The following PPM1A variants were observed in gnomAD, a reference collection of about 807,000 sequenced individuals.
PPM1A encodes protein phosphatase 1A.
A neutral mutation model predicts 35.0 loss-of-function variants in PPM1A; 7 were observed. The observed-to-expected ratio is 0.20, with a 90% CI of 0.11 to 0.38. PPM1A has a LOEUF of 0.38. Among genes scored for constraint, PPM1A ranks in the 10% least tolerant of loss-of-function variants. PPM1A has a pLI of 1.00. For synonymous variants in PPM1A, 153 were observed against 167.3 expected, an observed-to-expected ratio of 0.91 and a Z score of 0.66; for missense variants, 239 against 467.8, an observed-to-expected ratio of 0.51 and a Z score of 4.51.
intron 1 of PPM1A, among the ~76,000 whole-genome samples, chr14:60,267,473 C>T (rs28757572): frequency 0.48 from 73,159 of 151,794 alleles, 21,807 homozygotes; most frequent in African/African-American, 0.85. Context: ...ATTTTACTGA[C>T]TTTTTGGCAT....
chr14:60,268,196 C>T (rs1019380246), intron 1 of PPM1A: 8 of 664,216 alleles, frequency 1.2e-5, no homozygotes, highest in Admixed American at 1.3e-4. Context: ...TCTCCTTTAA[C>T]CTGGAGTGGT....
rs1888041433 is a variant in PPM1A, at chr14:60,296,042, G to A, written c.*3560G>A. 6.6e-6 allele frequency: 1 copy of A among 151,634 alleles called. No homozygotes were observed. Among genetic ancestry groups the A allele is most frequent in the Admixed American group, 6.6e-5 (1 of 15,194 alleles). 9.4% of individuals were successfully genotyped at this position (151,634 alleles called of 1,614,324 possible). ...CTGACAGCAGTAACTCAGAGGAATA[G>A]GTAGTAGATTTCTGAAAATTATCCA... On this transcript the variant is annotated 3_prime_UTR_variant, in exon 6 of 6. Coordinates refer to ENST00000395076, the MANE Select transcript of PPM1A (RefSeq NM_021003.5). The surrounding 1 kb of genome is among the most constrained non-coding windows in gnomAD (Gnocchi z 4.4).
At chr14:60,255,235 G>T (rs1487598966) in intron 1 of PPM1A, among the ~76,000 whole-genome samples, 4 of 144,030 alleles carry the variant, frequency 2.8e-5, no homozygotes, top group Non-Finnish European at 6.0e-5. Flanking sequence ...GCAGTGGCGC[G>T]ATCTCGGCTC....
chr14:60,253,849 GC>G (rs923185373), intron 1 of PPM1A, among the ~76,000 whole-genome samples: 3 of 152,168 alleles, frequency 2.0e-5, no homozygotes, highest in African/African-American at 7.2e-5. Context: ...ACATTGAAGG[GC>G]CCCGTGGTGG....
At position 60,297,498 on chromosome 14, in the gene PPM1A, C is replaced by G. The variant is rs528500775; in HGVS notation, c.*5016C>G. On this transcript the variant is annotated 3_prime_UTR_variant, in exon 6 of 6. Transcript: ENST00000395076. ...TGCAATGTTTCTTCACTAGAAAACC[C>G]AACCCTTCATTTCTTTTCATTGCTC... 12 of 151,788 alleles carry G rather than the reference C, an allele frequency of 7.9e-5. No homozygotes were observed. In the South Asian group the frequency reaches 2.1e-3, roughly 26 times the overall value. 9.4% of individuals were successfully genotyped at this position (151,788 alleles called of 1,614,324 possible).
Position 60,292,588 on chromosome 14 carries a change from G to C in PPM1A, c.*106G>C, listed in dbSNP as rs930672751. ...TCCTCAACTTTAAGGAAGGGGATAT[G>C]ACATGGGTGAGAATGATTACATCAG... On this transcript the variant is annotated 3_prime_UTR_variant, in exon 6 of 6. Transcript: ENST00000395076. This position sits in a 1 kb window ranked among gnomAD's most constrained non-coding sequence, Gnocchi z 4.2. The C allele has an allele frequency of 4.3e-6, 4 of 939,358 alleles. No individual in the cohort carries two copies. The African/African-American group carries it at 6.6e-5, about 15-fold the overall frequency. 58.2% of individuals were successfully genotyped at this position (939,358 alleles called of 1,614,324 possible). A position where few individuals can be genotyped will look rare whatever the true frequency, so the allele number is the denominator to read the frequency against.
At position 60,283,488 on chromosome 14, in the gene PPM1A, A is replaced by G. The variant is rs749728075; in HGVS notation, c.785A>G (p.Asp262Gly). The G allele has an allele frequency of 1.9e-6, 3 of 1,613,836 alleles. No homozygotes were observed. Among genetic ancestry groups the G allele is most frequent in the Non-Finnish European group, 2.5e-6 (3 of 1,180,016 alleles). ...DFVRSRLEVT[D>G]DLEKVCNEVV... Reference sequence around the variant, plus strand: ...GTAAGATCCAGACTTGAAGTCACTGATGACCTTGAGAAAGTTTGCAATGAA... The same window carrying G: ...GTAAGATCCAGACTTGAAGTCACTGGTGACCTTGAGAAAGTTTGCAATGAA... The change falls in exon 2 of 6, where the codon GAT (aspartate) becomes GGT (glycine). Residue 262 changes from aspartate (D) to glycine (G), a missense_variant. Physicochemically the swap from Asp to Gly is moderately conservative, Grantham distance 94 (BLOSUM62 -1). Coordinates refer to ENST00000395076, the MANE Select transcript of PPM1A (RefSeq NM_021003.5). The surrounding 1 kb of genome is among the most constrained non-coding windows in gnomAD (Gnocchi z 6.3).
chr14:60,245,918 G>T (rs1427132060), upstream of PPM1A: 4 of 1,583,086 alleles, frequency 2.5e-6, no homozygotes, highest in Non-Finnish European at 3.4e-6. The surrounding 1 kb of genome is among the most constrained non-coding windows in gnomAD (Gnocchi z 4.2). Flanking sequence ...AGAGAGAAAA[G>T]AAGAATGGGG....
intron 1 of PPM1A, among the ~76,000 whole-genome samples, chr14:60,280,198 G>T (rs879404730): frequency 8.5e-5 from 13 of 152,058 alleles, no homozygotes; most frequent in Non-Finnish European, 1.9e-4. Flanking sequence ...TAGAGACGGG[G>T]TTTCACCATA....
At chr14:60,284,821 A>G (rs1886814955) in intron 2 of PPM1A, among the ~76,000 whole-genome samples, 1 of 151,534 alleles carries the variant, frequency 6.6e-6, no homozygotes, top group Admixed American at 6.6e-5. Context: ...TACATTGCTA[A>G]CAGCATTAAG....
chr14:60,278,951 T>C (rs1330081952), intron 1 of PPM1A, among the ~76,000 whole-genome samples: 1 of 152,178 alleles, frequency 6.6e-6, no homozygotes, highest in Non-Finnish European at 1.5e-5. Flanking sequence ...TCACCTTGGA[T>C]GGATGGATGG....
chr14:60,297,927 G>A lies in PPM1A; in HGVS notation c.*5445G>A, dbSNP rs574552418. 4.6e-5 allele frequency: 7 copies of A among 151,692 alleles called. No homozygotes were observed. In the South Asian group the frequency reaches 1.5e-3, roughly 32 times the overall value. The allele number at this position is 151,692 out of a possible 1,614,324, so 9.4% of individuals were successfully genotyped here. ...AGAGCCCATTCTAAAGTACAATAGG[G>A]CATCATCCCTTTTCCTGCAAAGCCC... On this transcript the variant is annotated 3_prime_UTR_variant, in exon 6 of 6. Transcript: ENST00000395076.
At chr14:60,264,638 C>G (rs1041021926) in intron 1 of PPM1A, among the ~76,000 whole-genome samples, 2 of 152,054 alleles carry the variant, frequency 1.3e-5, no homozygotes, top group African/African-American at 4.8e-5. Context: ...TTCTTTGTTT[C>G]TAGAAAATTC....
At chr14:60,284,648 A>G (rs915117387) in intron 2 of PPM1A, among the ~76,000 whole-genome samples, 2 of 150,116 alleles carry the variant, frequency 1.3e-5, no homozygotes, top group African/African-American at 4.9e-5. Context: ...TCTCAAAAAA[A>G]AAAAAAAAGA....
In PPM1A at chr14:60,292,307, ATATATACT is replaced by A. The variant is rs745989719; in HGVS notation, c.1120-136_1120-129del. 2.8e-4 allele frequency: 161 copies of A among 569,208 alleles called. No homozygotes were observed. Among genetic ancestry groups the A allele is most frequent in the Non-Finnish European group, 4.2e-4 (135 of 319,716 alleles). 35.3% of individuals were successfully genotyped at this position (569,208 alleles called of 1,614,324 possible). Reference sequence around the variant, plus strand: ...AAACATTGCTATTTCATATGTACACATATATACTTATATACTTTAAAAAACATTTATAT... The same window carrying A: ...AAACATTGCTATTTCATATGTACACATATATACTTTAAAAAACATTTATAT... On this transcript the variant is annotated intron_variant, in intron 5 of 5. Transcript: ENST00000395076. This position sits in a 1 kb window ranked among gnomAD's most constrained non-coding sequence, Gnocchi z 4.2.
At position 60,249,258 on chromosome 14, in the gene PPM1A, G is replaced by A; in HGVS notation, c.-440G>A. 1.0e-6 allele frequency: 1 copy of A among 987,134 alleles called. No individual in the cohort carries two copies. Among genetic ancestry groups the A allele is most frequent in the Non-Finnish European group, 1.2e-6 (1 of 831,564 alleles). The allele number at this position is 987,134 out of a possible 1,614,324, so 61.1% of individuals were successfully genotyped here. Reference sequence around the variant, plus strand: ...GGCGGCGGTGGCGGCGCTAGGGACGGGAGCGCGCGCGGGAGCTAGAGAGCA... The same window carrying A: ...GGCGGCGGTGGCGGCGCTAGGGACGAGAGCGCGCGCGGGAGCTAGAGAGCA... On this transcript the variant is annotated 5_prime_UTR_variant, in exon 1 of 6. Transcript: ENST00000395076. This position sits in a 1 kb window ranked among gnomAD's most constrained non-coding sequence, Gnocchi z 4.5.
chr14:60,258,516 A>G (rs951695896), intron 1 of PPM1A, among the ~76,000 whole-genome samples: 1 of 152,206 alleles, frequency 6.6e-6, no homozygotes, highest in Admixed American at 6.5e-5. Context: ...GTGTGTATCT[A>G]ATGATGTTGA....
chr14:60,278,160 C>A (rs1885968086), intron 1 of PPM1A, among the ~76,000 whole-genome samples: 1 of 152,122 alleles, frequency 6.6e-6, no homozygotes, highest in East Asian at 1.9e-4. Flanking sequence ...CTGTGACTAC[C>A]TGTTATCTCA....
At chr14:60,257,477 C>CT in intron 1 of PPM1A, among the ~76,000 whole-genome samples, 1 of 152,296 alleles carries the variant, frequency 6.6e-6, no homozygotes, top group East Asian at 1.9e-4. Context: ...TGTATAATCA[C>CT]TTTAAATTTA....
Sources: allele counts gnomAD v4.1 joint callset (sites outside exome capture counted in the v4.1 genomes callset), GRCh38; gene constraint gnomAD v4.1.1; non-coding constraint Gnocchi (gnomAD v3.1); transcripts MANE v1.5; gene names NCBI Gene and HGNC (gene_info 2026-07-23, HGNC 2026-07-21).